PPM1L: variants seen among roughly 807,000 people sequenced by gnomAD.
The protein encoded by PPM1L is protein phosphatase 1L.
In PPM1L, 13 loss-of-function variants were observed where a neutral mutation model predicts 31.4. The ratio of observed to expected loss-of-function variants is 0.41; its 90% CI spans 0.27 to 0.66. PPM1L has a LOEUF of 0.66. PPM1L is among the 30% of genes least tolerant of loss of function. PPM1L has a pLI of 0.29. For synonymous variants in PPM1L, 184 were observed against 175.4 expected (o/e 1.05, Z -0.39); for missense variants, 326 against 453.7 (o/e 0.72, Z 2.56).
intron 1 of PPM1L, among the ~76,000 whole-genome samples, chr3:160,947,371 A>G (rs1715440789): frequency 6.6e-6 from 1 of 152,086 alleles, no homozygotes; most frequent in Non-Finnish European, 1.5e-5. Context: ...TAATTTATCC[A>G]CATTTTTGAA....
chr3:160,785,459 C>T (rs1711876472), intron 1 of PPM1L, among the ~76,000 whole-genome samples: 1 of 152,072 alleles, frequency 6.6e-6, no homozygotes, highest in Admixed American at 6.6e-5. Flanking sequence ...TAAAAATGCT[C>T]AATAAAAAAC....
intron 1 of PPM1L, among the ~76,000 whole-genome samples, chr3:160,947,769 G>A (rs1715454951): frequency 6.6e-6 from 1 of 152,180 alleles, no homozygotes; most frequent in South Asian, 2.1e-4. Flanking sequence ...TAGAATCTTA[G>A]TTCAACTTTA....
At chr3:161,032,744 G>A (rs953193440) in intron 2 of PPM1L, among the ~76,000 whole-genome samples, 19 of 151,306 alleles carry the variant, frequency 1.3e-4, no homozygotes, top group African/African-American at 4.6e-4. Context: ...CCAAGCTGGA[G>A]TGCAATGGCA....
At chr3:160,786,157 CTGTGTGTGTGTGTGTG>C (rs1239014226) in intron 1 of PPM1L, among the ~76,000 whole-genome samples, 2 of 69,198 alleles carry the variant, frequency 2.9e-5, no homozygotes, top group Non-Finnish European at 4.7e-5. Context: ...CTCTCTCTCT[CTGTGTGTGTGTGTGTG>C]TGTGTGTGTG....
chr3:161,003,439 A>G (rs532404305), intron 2 of PPM1L, among the ~76,000 whole-genome samples: 1 of 151,720 alleles, frequency 6.6e-6, no homozygotes, highest in South Asian at 2.1e-4. Context: ...CAGTATAGCC[A>G]TTTTCACGAT....
intron 1 of PPM1L, among the ~76,000 whole-genome samples, chr3:160,774,633 C>G (rs762356928): frequency 6.6e-6 from 1 of 152,168 alleles, no homozygotes; most frequent in African/African-American, 2.4e-5. Context: ...CGCACTACAG[C>G]AAAAATAGTC....
Position 160,786,208 on chromosome 3 carries a change from T to TATATATATA in PPM1L, c.399+29501_399+29502insATATATATA, listed in dbSNP as rs1491553702. ...GTGTGTATATATATATATATATATA[T>TATATATATA]TTTTTTTTTTTTTTTTTTTTTTTTT... On this transcript the variant is annotated intron_variant, in intron 1 of 3. Transcript: ENST00000498165. 2.3e-4 allele frequency among the ~76,000 whole-genome samples: 7 copies of TATATATATA among 30,470 alleles called. No individual in the cohort carries two copies. In the African/African-American group the frequency reaches 2.3e-3, roughly 10 times the overall value. 20.0% of individuals were successfully genotyped at this position (30,470 alleles called of 152,430 possible).
At chr3:160,812,316 A>G (rs570554816) in intron 1 of PPM1L, among the ~76,000 whole-genome samples, 1 of 152,134 alleles carries the variant, frequency 6.6e-6, no homozygotes, top group East Asian at 1.9e-4. Flanking sequence ...TTCCTTTCCT[A>G]AGTTGTCACT....
intron 1 of PPM1L, among the ~76,000 whole-genome samples, chr3:160,875,981 C>T (rs1235273728): frequency 1.3e-5 from 2 of 152,216 alleles, no homozygotes; most frequent in Admixed American, 6.5e-5. Context: ...CCTGCCTTCT[C>T]TTATTTGCTG....
At chr3:160,844,075 T>C (rs1364492692) in intron 1 of PPM1L, among the ~76,000 whole-genome samples, 1 of 152,190 alleles carries the variant, frequency 6.6e-6, no homozygotes, top group African/African-American at 2.4e-5. Context: ...TACCCCTGCT[T>C]TTGAGCCAGA....
intron 1 of PPM1L, among the ~76,000 whole-genome samples, chr3:160,878,719 G>A (rs1055055793): frequency 6.6e-6 from 1 of 152,160 alleles, no homozygotes; most frequent in African/African-American, 2.4e-5. Context: ...ATATTAATTG[G>A]AGAAGTGGGA....
At chr3:161,049,065 A>C (rs1005669989) in intron 2 of PPM1L, among the ~76,000 whole-genome samples, 3 of 143,798 alleles carry the variant, frequency 2.1e-5, no homozygotes, top group African/African-American at 8.2e-5. Context: ...TGTACCCTAG[A>C]ACTTAAAGTA....
At chr3:160,932,176 A>G (rs1180176341) in intron 1 of PPM1L, among the ~76,000 whole-genome samples, 3 of 152,200 alleles carry the variant, frequency 2.0e-5, no homozygotes, top group African/African-American at 7.2e-5. Flanking sequence ...TGAGCATGTT[A>G]TGAACACAGA....
chr3:160,981,119 TTG>T (rs1716782418), intron 2 of PPM1L, among the ~76,000 whole-genome samples: 1 of 152,210 alleles, frequency 6.6e-6, no homozygotes, highest in African/African-American at 2.4e-5. Context: ...TTAAGAGTAT[TTG>T]TATGGGTTTA....
chr3:160,945,399 G>A (rs188770640), intron 1 of PPM1L, among the ~76,000 whole-genome samples: 12 of 152,110 alleles, frequency 7.9e-5, no homozygotes, highest in Non-Finnish European at 1.5e-5. Flanking sequence ...CCTGAATTTA[G>A]ACCAAGGCTC....
chr3:161,060,721 CT>C lies in PPM1L; in HGVS notation c.575-4667del, dbSNP rs60605185. ...TTGAAGTCTGGTCCATGTGAATTCG[CT>C]TTTTTTTTTTTTTTAAGCTTTTTGG... On this transcript the variant is annotated intron_variant, in intron 2 of 3. Transcript: ENST00000498165. 2.3e-3 allele frequency among the ~76,000 whole-genome samples: 300 copies of C among 130,592 alleles called. 1 individual carries two copies. Among genetic ancestry groups the C allele is most frequent in the Middle Eastern group, 0.021 (5 of 238 alleles). 85.7% of individuals were successfully genotyped at this position (130,592 alleles called of 152,430 possible). A position where few individuals can be genotyped will look rare whatever the true frequency, so the allele number is the denominator to read the frequency against.
At chr3:160,842,216 C>T in intron 1 of PPM1L, 1 of 697,316 alleles carries the variant, frequency 1.4e-6, no homozygotes, top group South Asian at 1.5e-5. Flanking sequence ...AGAATTCATG[C>T]AGGTGGAAGA....
intron 2 of PPM1L, among the ~76,000 whole-genome samples, chr3:161,050,525 G>C (rs1719240146): frequency 6.6e-6 from 1 of 151,924 alleles, no homozygotes; most frequent in South Asian, 2.1e-4. Context: ...GCATATATTT[G>C]TATACACATT....
In PPM1L at chr3:160,787,990, A is replaced by G. The variant is rs1369043983; in HGVS notation, c.399+31283A>G. Among the ~76,000 whole-genome samples, 5 of 152,172 alleles carry G rather than the reference A, an allele frequency of 3.3e-5. No individual in the cohort carries two copies. In the South Asian group the frequency reaches 1.0e-3, roughly 31 times the overall value. On this transcript the variant is annotated intron_variant, in intron 1 of 3. Transcript: ENST00000498165. ...TGGTCTATGTGTCTGTTTTTGAACC[A>G]GTACCATGCTGTTTTGGTTACTGTA...
Sources: allele counts gnomAD v4.1 joint callset (sites outside exome capture counted in the v4.1 genomes callset), GRCh38; gene constraint gnomAD v4.1.1; transcripts MANE v1.5; gene names NCBI Gene and HGNC (gene_info 2026-07-23, HGNC 2026-07-21).